CDH4: variants seen among roughly 807,000 people sequenced by gnomAD.
CDH4 encodes cadherin 4.
In CDH4, 33 loss-of-function variants were observed where a neutral mutation model predicts 86.0. The ratio of observed to expected loss-of-function variants is 0.38; its 90% confidence interval spans 0.29 to 0.51. The LOEUF is 0.51. CDH4 is among the 20% of genes least tolerant of loss of function. The probability of loss-of-function intolerance (pLI) is 0.86; values close to 1 mark genes in which losing one functional copy is unlikely to be tolerated. For synonymous variants in CDH4, 555 were observed against 549.4 expected, an observed-to-expected ratio of 1.01 and a Z score of -0.14; for missense variants, 1,114 against 1,307.4, an observed-to-expected ratio of 0.85 and a Z score of 2.28.
chr20:61,702,686 A>G (rs1236386591), intron 2 of CDH4, among the ~76,000 whole-genome samples: 1 of 152,216 alleles, frequency 6.6e-6, no homozygotes, highest in African/African-American at 2.4e-5. Context: ...CTTTGTTTGT[A>G]CTTGAGCTGC....
At chr20:61,478,742 T>C (rs2145576584) in intron 2 of CDH4, among the ~76,000 whole-genome samples, 1 of 152,340 alleles carries the variant, frequency 6.6e-6, no homozygotes, top group East Asian at 1.9e-4. Flanking sequence ...CTAGAAACTA[T>C]GTTTCATTCA....
intron 2 of CDH4, among the ~76,000 whole-genome samples, chr20:61,487,731 C>G (rs535866110): frequency 1.3e-5 from 2 of 152,318 alleles, no homozygotes; most frequent in South Asian, 4.1e-4. Flanking sequence ...ACTACTCAAA[C>G]AACATCTATC....
rs1406090777 is a variant in CDH4, at chr20:61,518,551, T to C, written c.170-225012T>C. ...CATCCATCTATCCATCATTCATCCA[T>C]CATCCTTCTATTTGTCATCTATCCA... is the stretch of plus-strand genomic sequence containing the variant. On this transcript the variant is annotated intron_variant, in intron 2 of 15. Transcript: ENST00000614565. The surrounding 1 kb of genome is among the most constrained non-coding windows in gnomAD (Gnocchi z 6.3). Among the ~76,000 whole-genome samples the C allele has an allele frequency of 6.6e-6, 1 of 151,782 alleles. No individual in the cohort carries two copies. Among genetic ancestry groups the C allele is most frequent in the Non-Finnish European group, 1.5e-5 (1 of 67,952 alleles).
At chr20:61,579,032 G>A (rs1326978969) in intron 2 of CDH4, among the ~76,000 whole-genome samples, 3 of 152,092 alleles carry the variant, frequency 2.0e-5, no homozygotes, top group Admixed American at 6.6e-5. Context: ...ATGAGCAGCC[G>A]TGATCATCCT....
chr20:61,895,739 C>G (rs1985074549), intron 8 of CDH4, among the ~76,000 whole-genome samples: 1 of 152,236 alleles, frequency 6.6e-6, no homozygotes, highest in Non-Finnish European at 1.5e-5. Flanking sequence ...CCCCACTTCC[C>G]TGCTGCCCAG....
At position 61,532,011 on chromosome 20, in the gene CDH4, G is replaced by A. The variant is rs192657389; in HGVS notation, c.170-211552G>A. Among the ~76,000 whole-genome samples, 475 of 152,362 alleles carry A rather than the reference G, an allele frequency of 3.1e-3. 8 individuals carry two copies. The highest frequency in any genetic ancestry group is 1.2e-3 in the South Asian group (6 of 4,834). On this transcript the variant is annotated intron_variant, in intron 2 of 15. Coordinates refer to ENST00000614565, the MANE Select transcript of CDH4 (RefSeq NM_001794.5). ...TGGAGGATCCTCAGCTGTGGAAAGCGTCGGCCAGTCTCATAGAAGTGGCGC... is the reference window on the plus strand; with the variant it reads ...TGGAGGATCCTCAGCTGTGGAAAGCATCGGCCAGTCTCATAGAAGTGGCGC...
rs150877721 is a variant in CDH4 at position 61,342,107 on chromosome 20, G to A, written c.169+87170G>A. ...AGGGTCTGGGGAAGGGGAGGCTTTC[G>A]TCTCCTGGGACAGCAATGATTGAAA... On this transcript the variant is annotated intron_variant, in intron 2 of 15. Transcript: ENST00000614565. 3.9e-3 allele frequency among the ~76,000 whole-genome samples: 589 copies of A among 152,238 alleles called. 12 individuals carry two copies. Among genetic ancestry groups the A allele is most frequent in the Admixed American group, 0.024 (365 of 15,300 alleles).
At chr20:61,466,893 A>G (rs1301787419) in intron 2 of CDH4, among the ~76,000 whole-genome samples, 1 of 100,434 alleles carries the variant, frequency 1.0e-5, no homozygotes, top group Non-Finnish European at 1.9e-5. Context: ...CTTGCAAGTA[A>G]GACTGAGGGC....
chr20:61,321,306 G>A (rs747493619), intron 2 of CDH4, among the ~76,000 whole-genome samples: 1 of 152,202 alleles, frequency 6.6e-6, no homozygotes, highest in Non-Finnish European at 1.5e-5. Context: ...CCTTAGGAGG[G>A]CAGAGGGAGG....
chr20:61,882,670 A>G (rs1984335480), intron 7 of CDH4, among the ~76,000 whole-genome samples: 1 of 152,162 alleles, frequency 6.6e-6, no homozygotes, highest in African/African-American at 2.4e-5. Context: ...TCCCTGCCGT[A>G]GAGAAATACT....
At chr20:61,885,031 G>C (rs562945839) in intron 7 of CDH4, among the ~76,000 whole-genome samples, 2 of 152,248 alleles carry the variant, frequency 1.3e-5, no homozygotes, top group South Asian at 4.1e-4. Context: ...CTGCCAGCCA[G>C]AGGCAGCCCC....
At chr20:61,756,847 T>C (rs1296151601) in intron 3 of CDH4, among the ~76,000 whole-genome samples, 2 of 152,182 alleles carry the variant, frequency 1.3e-5, no homozygotes, top group East Asian at 3.9e-4. Context: ...ATGAGCTGTT[T>C]CTGCAGAAGG....
intron 2 of CDH4, among the ~76,000 whole-genome samples, chr20:61,532,138 G>T (rs1235318217): frequency 5.3e-5 from 8 of 152,294 alleles, no homozygotes; most frequent in Non-Finnish European, 1.2e-4. Context: ...TCCTGACTGT[G>T]TGAGGACACA....
chr20:61,379,964 T>C lies in CDH4; in HGVS notation c.169+125027T>C, dbSNP rs191362479. On this transcript the variant is annotated intron_variant, in intron 2 of 15. Transcript: ENST00000614565. Reference sequence around the variant, plus strand: ...AAGTGAAGAGTTAGGCAGATAAGGATTGTGTAGATAATTTTGTTGCAGACT... The same window carrying C: ...AAGTGAAGAGTTAGGCAGATAAGGACTGTGTAGATAATTTTGTTGCAGACT... Among the ~76,000 whole-genome samples the C allele has an allele frequency of 3.7e-3, 558 of 151,542 alleles. 4 individuals are homozygous for C. Among genetic ancestry groups the C allele is most frequent in the Non-Finnish European group, 2.8e-3 (190 of 67,898 alleles).
intron 2 of CDH4, among the ~76,000 whole-genome samples, chr20:61,507,241 G>A (rs959022500): frequency 3.9e-5 from 6 of 152,134 alleles, no homozygotes; most frequent in East Asian, 1.9e-4. Flanking sequence ...AATAGCTTTT[G>A]GTACCACATC....
chr20:61,269,318 C>T lies in CDH4; in HGVS notation c.169+14381C>T, dbSNP rs1039534863. On this transcript the variant is annotated intron_variant, in intron 2 of 15. Transcript: ENST00000614565. The surrounding 1 kb of genome is among the most constrained non-coding windows in gnomAD (Gnocchi z 5.3). The stretch of plus-strand genomic sequence containing the variant: ...GCAGCCTTCAGAGCCCAACCCTCCA[C>T]CCCATCCTCTGTATCACCTTGGAAC... 1.3e-5 allele frequency among the ~76,000 whole-genome samples: 2 copies of T among 152,190 alleles called. No individual in the cohort carries two copies. Among genetic ancestry groups the T allele is most frequent in the South Asian group, 4.1e-4 (2 of 4,828 alleles).
At chr20:61,629,914 C>T (rs1268606604) in intron 2 of CDH4, among the ~76,000 whole-genome samples, 1 of 152,162 alleles carries the variant, frequency 6.6e-6, no homozygotes, top group African/African-American at 2.4e-5. Context: ...TCAGGGAGTC[C>T]CCTGTGACTC....
At chr20:61,599,746 C>T in intron 2 of CDH4, 1 of 975,518 alleles carries the variant, frequency 1.0e-6, no homozygotes, top group Non-Finnish European at 1.2e-6. Context: ...CCTGACGCGG[C>T]TCTGCCTCTC....
At chr20:61,504,097 C>T (rs2085723435) in intron 2 of CDH4, among the ~76,000 whole-genome samples, 1 of 152,202 alleles carries the variant, frequency 6.6e-6, no homozygotes, top group Admixed American at 6.5e-5. Flanking sequence ...GAACAAGGAC[C>T]TCACTATTTG....
Sources: allele counts gnomAD v4.1 joint callset (sites outside exome capture counted in the v4.1 genomes callset), GRCh38; gene constraint gnomAD v4.1.1; non-coding constraint Gnocchi (gnomAD v3.1); transcripts MANE v1.5; gene names NCBI Gene and HGNC (gene_info 2026-07-23, HGNC 2026-07-21).